HMGA2: variants seen among roughly 807,000 people sequenced by gnomAD.
HMGA2 encodes high mobility group protein HMGI-C.
Under a neutral mutation model 19.1 loss-of-function variants are expected in HMGA2, and 8 were observed. The observed-to-expected ratio is 0.42, with a 90% CI of 0.25 to 0.76. The LOEUF (loss-of-function observed/expected upper bound fraction) is 0.76, where lower values mean the gene tolerates loss of function less well. Ranked by LOEUF, HMGA2 falls within the 30% of genes least tolerant of loss-of-function variation. The pLI, the probability that HMGA2 is intolerant of heterozygous loss-of-function variation, is 0.28. For synonymous variants in HMGA2, 60 were observed against 48.8 expected, an observed-to-expected ratio of 1.23 and a Z score of -0.96; for missense variants, 109 against 136.3, an observed-to-expected ratio of 0.80 and a Z score of 1.00.
At chr12:65,959,225 G>A (rs887117096) in intron 4 of HMGA2, among the ~76,000 whole-genome samples, 2 of 152,084 alleles carry the variant, frequency 1.3e-5, no homozygotes, top group African/African-American at 2.4e-5. Context: ...GTACCCAAAG[G>A]TATATATACC....
chr12:65,841,194 A>T (rs1012686553), intron 3 of HMGA2, among the ~76,000 whole-genome samples: 8 of 151,562 alleles, frequency 5.3e-5, no homozygotes, highest in Non-Finnish European at 8.8e-5. Context: ...TTTAGGGGGG[A>T]TCTGGATTTC....
chr12:65,883,628 A>G (rs1171263908), intron 3 of HMGA2, among the ~76,000 whole-genome samples: 3 of 152,210 alleles, frequency 2.0e-5, no homozygotes, highest in Non-Finnish European at 4.4e-5. Flanking sequence ...GTTAATGTCT[A>G]TGCACTGCTT....
At chr12:65,961,537 G>A (rs2121330254) in intron 4 of HMGA2, among the ~76,000 whole-genome samples, 1 of 152,334 alleles carries the variant, frequency 6.6e-6, no homozygotes, top group South Asian at 2.1e-4. Context: ...AAAACCCAAA[G>A]CAGACTAAAC....
intron 3 of HMGA2, among the ~76,000 whole-genome samples, chr12:65,936,494 C>A (rs946518137): frequency 6.6e-6 from 1 of 152,132 alleles, no homozygotes. Flanking sequence ...AACGGCCAGG[C>A]TTAAGTGACT....
chr12:65,928,772 A>G (rs1875606049), intron 3 of HMGA2, among the ~76,000 whole-genome samples: 1 of 152,218 alleles, frequency 6.6e-6, no homozygotes, highest in Non-Finnish European at 1.5e-5. Flanking sequence ...TCAGTAGGCA[A>G]TAGGAATTTT....
intron 3 of HMGA2, among the ~76,000 whole-genome samples, chr12:65,923,757 C>A (rs61921604): frequency 0.069 from 10,503 of 152,240 alleles, 447 homozygotes; most frequent in Middle Eastern, 0.11. Context: ...TGCCTGTAAT[C>A]CCAGCACTTT....
At chr12:65,867,398 C>T in intron 3 of HMGA2, 1 of 403,222 alleles carries the variant, frequency 2.5e-6, no homozygotes, top group South Asian at 1.8e-5. Context: ...GTGGGAAAGC[C>T]AGGAACCAGC....
chr12:65,830,161 C>T (rs541526586), intron 2 of HMGA2, among the ~76,000 whole-genome samples: 6 of 151,880 alleles, frequency 4.0e-5, no homozygotes, highest in Non-Finnish European at 7.4e-5. Flanking sequence ...ATAAATTACG[C>T]TTCATCTGGA....
At chr12:65,875,464 C>T (rs1219677331) in intron 3 of HMGA2, among the ~76,000 whole-genome samples, 2 of 152,018 alleles carry the variant, frequency 1.3e-5, no homozygotes, top group Non-Finnish European at 2.9e-5. Context: ...TTCTCTGTTG[C>T]CCAGGCTGGA....
chr12:65,919,835 A>C (rs993644212), intron 3 of HMGA2, among the ~76,000 whole-genome samples: 2 of 152,230 alleles, frequency 1.3e-5, no homozygotes, highest in Non-Finnish European at 2.9e-5. Flanking sequence ...ATTTAATATT[A>C]TCCTGCTTTT....
chr12:65,965,436 G>A lies in HMGA2; in HGVS notation c.*2144G>A, dbSNP rs1046499133. The A allele has an allele frequency of 4.9e-6, 1 of 204,130 alleles. No individual in the cohort carries two copies. The highest frequency in any genetic ancestry group is 1.0e-5 in the Non-Finnish European group (1 of 99,352). 12.6% of individuals were successfully genotyped at this position (204,130 alleles called of 1,614,324 possible). On this transcript the variant is annotated 3_prime_UTR_variant, in exon 5 of 5. Coordinates refer to ENST00000403681, the MANE Select transcript of HMGA2 (RefSeq NM_003483.6). ...TAGTTTCTCATGACGGCTTTTGTCA[G>A]TATGGCTTTTAGTACTGAAGCCAAA... is the stretch of plus-strand genomic sequence containing the variant.
At chr12:65,903,039 C>T (rs1874438127) in intron 3 of HMGA2, among the ~76,000 whole-genome samples, 1 of 151,958 alleles carries the variant, frequency 6.6e-6, no homozygotes, top group Admixed American at 6.6e-5. Flanking sequence ...ATATATTGGT[C>T]TAAATGTTGC....
At chr12:65,867,428 A>T (rs1438885406) in intron 3 of HMGA2, 4 of 450,310 alleles carry the variant, frequency 8.9e-6, no homozygotes, top group South Asian at 1.6e-5. Context: ...GTGTCATCTG[A>T]GCAGGAGGAG....
rs947084610 is a variant in HMGA2 at position 65,825,432 on chromosome 12, G to C, written c.111+51G>C. On this transcript the variant is annotated intron_variant, in intron 1 of 4. Coordinates refer to ENST00000403681, the MANE Select transcript of HMGA2 (RefSeq NM_003483.6). This position sits in a 1 kb window ranked among gnomAD's most constrained non-coding sequence, Gnocchi z 4.4. ...ACCAGCCCACCCCGTCCCCACTGCC[G>C]GGGCCCAGACACGCGCGGGGCGGCC... is the stretch of plus-strand genomic sequence containing the variant. The C allele has an allele frequency of 4.4e-6, 6 of 1,353,610 alleles. No individual in the cohort carries two copies. The Admixed American group carries it at 9.9e-5, about 22-fold the overall frequency. The allele number at this position is 1,353,610 out of a possible 1,614,324, so 83.8% of individuals were successfully genotyped here.
intron 3 of HMGA2, among the ~76,000 whole-genome samples, chr12:65,923,299 C>T (rs2121246101): frequency 6.6e-6 from 1 of 152,280 alleles, no homozygotes. Flanking sequence ...TGGGTCCTTT[C>T]CCACTCCCAA....
intron 3 of HMGA2, among the ~76,000 whole-genome samples, chr12:65,946,274 T>C (rs1263998195): frequency 6.6e-6 from 1 of 152,184 alleles, no homozygotes; most frequent in Non-Finnish European, 1.5e-5. Context: ...AATGGTCATA[T>C]GATTTTAAAA....
chr12:65,855,437 CTT>C (rs1871681911), intron 3 of HMGA2, among the ~76,000 whole-genome samples: 7 of 117,944 alleles, frequency 5.9e-5, no homozygotes, highest in Non-Finnish European at 8.2e-5. Context: ...CTCTCTTTCT[CTT>C]TCTCTCTCTC....
At chr12:65,932,056 T>C (rs913691641) in intron 3 of HMGA2, among the ~76,000 whole-genome samples, 10 of 152,210 alleles carry the variant, frequency 6.6e-5, no homozygotes, top group African/African-American at 2.4e-4. Flanking sequence ...ATTTTCATTC[T>C]AAGAAGTATA....
intron 3 of HMGA2, among the ~76,000 whole-genome samples, chr12:65,926,842 G>T (rs913218357): frequency 6.6e-6 from 1 of 152,082 alleles, no homozygotes; most frequent in Non-Finnish European, 1.5e-5. Flanking sequence ...GAGAGGTTTG[G>T]GTGACAGAAA....
Sources: gnomAD v4.1 joint callset for allele counts (sites outside exome capture counted in the v4.1 genomes callset) on GRCh38, gnomAD v4.1.1 for gene constraint, Gnocchi (gnomAD v3.1) non-coding constraint, MANE v1.5 for transcripts, NCBI Gene and HGNC (gene_info 2026-07-23, HGNC 2026-07-21) for gene names.